Variants in FRY observed in about 807,000 individuals in gnomAD.
FRY encodes the protein FRY microtubule binding protein.
A neutral mutation model predicts 348.4 loss-of-function variants in FRY; 128 were observed. The observed-to-expected ratio is 0.37, with a 90% CI of 0.32 to 0.43. The LOEUF (loss-of-function observed/expected upper bound fraction) is 0.43. Among genes scored for constraint, FRY ranks in the 20% least tolerant of loss-of-function variants. The probability of loss-of-function intolerance (pLI) is 1.00; values close to 1 mark genes in which losing one functional copy is unlikely to be tolerated. For synonymous variants in FRY, 1,370 were observed against 1,374.7 expected, an observed-to-expected ratio of 1.00 and a Z score of 0.08; for missense variants, 2,736 against 3,695.2, an observed-to-expected ratio of 0.74 and a Z score of 6.73.
chr13:32,137,145 A>G (rs1879771711), intron 11 of FRY, among the ~76,000 whole-genome samples, 173 bp downstream of exon 11: 1 of 152,250 alleles, frequency 6.6e-6, no homozygotes, highest in Admixed American at 6.5e-5. Flanking sequence ...TCAATTTTAG[A>G]AAGTGACTAG....
In FRY at chr13:32,247,290, A is replaced by AT. The variant is rs746440540; in HGVS notation, c.6829-28dup. 2.6e-6 allele frequency: 4 copies of AT among 1,566,714 alleles called. No individual in the cohort carries two copies. In the Admixed American group the frequency reaches 6.7e-5, roughly 26 times the overall value. On this transcript the variant is annotated intron_variant, in intron 47 of 60. Coordinates refer to ENST00000542859, the MANE Select transcript of FRY (RefSeq NM_023037.3). Reference sequence around the variant, plus strand: ...ACATTAGCTTTAAAAAAATTAAATTATTTTTAACCCTTGAATGTTTTATTT... The same window carrying AT: ...ACATTAGCTTTAAAAAAATTAAATTATTTTTTAACCCTTGAATGTTTTATTT...
chr13:32,215,787 C>G (rs1884957908), intron 35 of FRY, among the ~76,000 whole-genome samples: 1 of 152,146 alleles, frequency 6.6e-6, no homozygotes, highest in South Asian at 2.1e-4. Context: ...CCAGGCTGGT[C>G]TCAAACTCCT....
chr13:32,098,691 G>A (rs372623592), intron 2 of FRY, among the ~76,000 whole-genome samples: 4 of 151,940 alleles, frequency 2.6e-5, no homozygotes, highest in African/African-American at 4.8e-5. Context: ...TCTCAGACTC[G>A]ACTCTTCTCC....
chr13:32,294,361 T>A lies in FRY; in HGVS notation c.8581-7T>A, dbSNP rs2301386. The stretch of plus-strand genomic sequence containing the variant: ...ATATAGTTTAAAAAACATTTTTTTT[T>A]AAATAGCTGCTGAATATGTCCAGGG... On this transcript the variant is annotated splice_region_variant and splice_polypyrimidine_tract_variant and intron_variant, in intron 59 of 60. Transcript: ENST00000542859. 0.048 allele frequency: 76,961 copies of A among 1,603,774 alleles called. 2,459 individuals carry two copies. The highest frequency in any genetic ancestry group is 0.13 in the East Asian group (5,834 of 44,776).
At chr13:32,076,119 G>T (rs1875036896) in intron 1 of FRY, among the ~76,000 whole-genome samples, 1 of 152,168 alleles carries the variant, frequency 6.6e-6, no homozygotes. Flanking sequence ...AGTTCAAAAT[G>T]CAGCCTTGTA....
intron 2 of FRY, among the ~76,000 whole-genome samples, chr13:32,099,522 G>A (rs1877010779): frequency 6.6e-6 from 1 of 151,950 alleles, no homozygotes; most frequent in Non-Finnish European, 1.5e-5. Context: ...AAAGCTCTCT[G>A]AAAGAGCACA....
At chr13:32,213,288 C>T (rs1340069994) in intron 35 of FRY, among the ~76,000 whole-genome samples, 1 of 152,192 alleles carries the variant, frequency 6.6e-6, no homozygotes. Context: ...GTGGAGATGA[C>T]CTGGCACAGG....
At chr13:32,055,451 A>G (rs1249058570) in intron 1 of FRY, among the ~76,000 whole-genome samples, 1 of 152,208 alleles carries the variant, frequency 6.6e-6, no homozygotes, top group Non-Finnish European at 1.5e-5. Flanking sequence ...GGCCATCAGT[A>G]GCTTCCAAAC....
intron 2 of FRY, among the ~76,000 whole-genome samples, chr13:32,080,539 G>C (rs919491490): frequency 7.2e-5 from 11 of 152,148 alleles, no homozygotes; most frequent in Admixed American, 2.0e-4. Flanking sequence ...GTCTTTGCAC[G>C]GTCCTCTTCA....
Position 32,254,655 on chromosome 13 carries a change from G to A in FRY, c.7416+261G>A, listed in dbSNP as rs575033276. Among the ~76,000 whole-genome samples the A allele has an allele frequency of 5.9e-5, 9 of 152,116 alleles. No individual in the cohort carries two copies. In the South Asian group the frequency reaches 1.9e-3, roughly 32 times the overall value. On this transcript the variant is annotated intron_variant, in intron 51 of 60. Coordinates refer to ENST00000542859, the MANE Select transcript of FRY (RefSeq NM_023037.3). The stretch of plus-strand genomic sequence containing the variant: ...ACCTGAGTTTTAATGACCACACAAA[G>A]ACTGTATGTGTGTGTGTAGTCCCAA...
chr13:32,079,069 T>C, intron 2 of FRY, 36 bp downstream of exon 2: 1 of 1,339,366 alleles, frequency 7.5e-7, no homozygotes, highest in Middle Eastern at 1.8e-4. Flanking sequence ...TCTTTGAAAA[T>C]TCATCTGTAT....
intron 1 of FRY, among the ~76,000 whole-genome samples, chr13:32,055,280 A>G (rs1023555322): frequency 5.3e-5 from 8 of 152,106 alleles, no homozygotes; most frequent in African/African-American, 1.9e-4. Context: ...CCTGGGCTCA[A>G]GAGTCTCCCA....
intron 2 of FRY, among the ~76,000 whole-genome samples, chr13:32,088,421 G>T (rs577313090): frequency 6.6e-6 from 1 of 152,244 alleles, no homozygotes; most frequent in South Asian, 2.1e-4. Flanking sequence ...GCTTAGCCTG[G>T]AACGTCCCTT....
chr13:32,166,687 G>A (rs879935936), intron 17 of FRY, among the ~76,000 whole-genome samples: 2 of 150,546 alleles, frequency 1.3e-5, no homozygotes, highest in African/African-American at 2.4e-5. Flanking sequence ...TATATGCTTC[G>A]AGGGACAGAC....
intron 3 of FRY, 41 bp from the exon 4 acceptor site, chr13:32,117,293 A>T: frequency 6.2e-7 from 1 of 1,604,058 alleles, no homozygotes. Flanking sequence ...AGTAATTGGC[A>T]GTGCTACCAG....
In FRY at chr13:32,210,982, C is replaced by A; in HGVS notation, c.4539C>A (p.Asn1513Lys). The change falls in exon 34 of 61, where the codon AAC becomes AAA. Residue 1513 changes from asparagine to lysine, a missense_variant. By Grantham distance (94) the Asn-to-Lys change is moderately conservative. Coordinates refer to ENST00000542859, the MANE Select transcript of FRY (RefSeq NM_023037.3). Reference protein sequence around the residue: ...PVNPIVQHCDNPPFYRFTASS... With the variant: ...PVNPIVQHCDKPPFYRFTASS... ...ACCCCATCGTCCAGCATTGTGACAA[C>A]CCGCCCTTCTACCGCTTCACGGCCA... 1 of 1,614,026 alleles carries A rather than the reference C, an allele frequency of 6.2e-7. No individual in the cohort carries two copies.
chr13:32,120,555 G>A (rs775810591), intron 4 of FRY, among the ~76,000 whole-genome samples: 2 of 152,034 alleles, frequency 1.3e-5, no homozygotes, highest in African/African-American at 2.4e-5. Context: ...TGAGATTTTG[G>A]TGCACCCATC....
At chr13:32,176,067 A>G (rs2138229427) in intron 20 of FRY, among the ~76,000 whole-genome samples, 1 of 152,290 alleles carries the variant, frequency 6.6e-6, no homozygotes, top group African/African-American at 2.4e-5. Flanking sequence ...GTTAAGGGGT[A>G]AGTCCACAGT....
intron 5 of FRY, 60 bp downstream of exon 5, chr13:32,124,436 G>C: frequency 2.0e-6 from 2 of 1,010,884 alleles, no homozygotes; most frequent in Non-Finnish European, 3.0e-6. Context: ...AACTACTTAG[G>C]TTGTAAAAGT....
Sources: gnomAD v4.1 joint callset for allele counts (sites outside exome capture counted in the v4.1 genomes callset) on GRCh38, gnomAD v4.1.1 for gene constraint, MANE v1.5 for transcripts, NCBI Gene and HGNC (gene_info 2026-07-23, HGNC 2026-07-21) for gene names.